Variants in SDK1 observed in about 807,000 individuals in gnomAD.
The protein encoded by SDK1 is protein sidekick-1.
Under a neutral mutation model 245.5 loss-of-function variants are expected in SDK1, and 157 were observed. That is an observed-to-expected ratio of 0.64 (90% CI 0.56 to 0.73). The LOEUF (loss-of-function observed/expected upper bound fraction) is 0.73. Among genes scored for constraint, SDK1 ranks in the 30% least tolerant of loss-of-function variants. The pLI, the probability that SDK1 is intolerant of heterozygous loss-of-function variation, is 0.00. For missense variants in SDK1, 3,583 were observed against 3,002.3 expected (o/e 1.19, Z -4.52); for synonymous variants, 1,647 against 1,278.5 (o/e 1.29, Z -6.15).
chr7:3,936,136 G>A (rs1780150732), intron 5 of SDK1, among the ~76,000 whole-genome samples: 1 of 152,186 alleles, frequency 6.6e-6, no homozygotes, highest in Admixed American at 6.5e-5. Flanking sequence ...AAGGCAGTCA[G>A]CAGAAGACAA....
intron 1 of SDK1, among the ~76,000 whole-genome samples, chr7:3,384,273 G>A (rs1346910349): frequency 6.6e-6 from 1 of 151,938 alleles, no homozygotes; most frequent in Non-Finnish European, 1.5e-5. Context: ...ATAGTTATTA[G>A]CAGGTTCCAC....
chr7:3,682,560 T>C (rs76232199), intron 4 of SDK1, among the ~76,000 whole-genome samples: 1 of 6,588 alleles, frequency 1.5e-4, no homozygotes, highest in Non-Finnish European at 4.9e-4. Context: ...CCCCCATGCA[T>C]GGGGCAGTGA....
intron 21 of SDK1, among the ~76,000 whole-genome samples, chr7:4,078,895 T>A (rs1780874308): frequency 6.6e-6 from 1 of 152,070 alleles, no homozygotes; most frequent in African/African-American, 2.4e-5. Context: ...GCACGAGAAT[T>A]TGTTCGTCTT....
At chr7:3,889,097 C>G (rs142426602) in intron 5 of SDK1, among the ~76,000 whole-genome samples, 298 of 152,284 alleles carry the variant, frequency 2.0e-3, no homozygotes, top group Admixed American at 4.1e-3. Flanking sequence ...CTCAAAAACC[C>G]AGTAGCAGCT....
intron 1 of SDK1, among the ~76,000 whole-genome samples, chr7:3,330,763 A>G (rs1280026765): frequency 6.7e-6 from 1 of 149,056 alleles, no homozygotes; most frequent in East Asian, 2.0e-4. Context: ...GCTTGAGAAC[A>G]GGAATTCGAG....
chr7:3,303,580 G>GGAGA (rs71029663), intron 1 of SDK1, among the ~76,000 whole-genome samples: 1 of 151,666 alleles, frequency 6.6e-6, no homozygotes, highest in Non-Finnish European at 1.5e-5. Flanking sequence ...ACTTTGTTAG[G>GGAGA]AATATTTTAT....
At chr7:4,233,216 C>G (rs776619670) in intron 40 of SDK1, 39 bp from the exon 41 acceptor site, 1 of 1,595,834 alleles carries the variant, frequency 6.3e-7, no homozygotes, top group Admixed American at 1.7e-5. Flanking sequence ...GGACTTCGCA[C>G]TTCTAACCTC....
intron 31 of SDK1, among the ~76,000 whole-genome samples, chr7:4,159,405 C>G (rs1163465030): frequency 2.0e-5 from 3 of 152,224 alleles, no homozygotes; most frequent in Non-Finnish European, 4.4e-5. Context: ...CTCACAGAGG[C>G]TGTTTTGCTG....
intron 5 of SDK1, among the ~76,000 whole-genome samples, chr7:3,845,808 A>C (rs1169601267): frequency 6.6e-6 from 1 of 152,184 alleles, no homozygotes; most frequent in Non-Finnish European, 1.5e-5. Flanking sequence ...ATAAAAGTAA[A>C]ATAAAATTTG....
chr7:3,729,747 C>T (rs1390349025), intron 4 of SDK1, among the ~76,000 whole-genome samples: 1 of 152,090 alleles, frequency 6.6e-6, no homozygotes, highest in Non-Finnish European at 1.5e-5. Context: ...TTCCATTGAG[C>T]CTGTGTGAAC....
At chr7:3,807,329 G>A (rs763775857) in intron 4 of SDK1, among the ~76,000 whole-genome samples, 1 of 152,184 alleles carries the variant, frequency 6.6e-6, no homozygotes, top group Non-Finnish European at 1.5e-5. Context: ...AGTGCTTAAC[G>A]CTGACACACA....
Position 3,962,767 on chromosome 7 carries a change from C to T in SDK1, c.1345C>T (p.Arg449Cys), listed in dbSNP as rs371065564. Reference protein sequence around the residue: ...ASGGLRIQKLRPEDSGIFQCF... With the variant: ...ASGGLRIQKLCPEDSGIFQCF... ...CGGAGGCCTGCGCATCCAGAAGCTG[C>T]GTCCAGAGGACTCCGGAATCTTCCA... The change falls in exon 9 of 45, where the codon CGT (arginine) becomes TGT (cysteine). Residue 449 changes from arginine (R) to cysteine (C), a missense_variant. Transcript: ENST00000404826. 1.8e-5 allele frequency: 29 copies of T among 1,613,584 alleles called. 1 individual carries two copies. Among genetic ancestry groups the T allele is most frequent in the African/African-American group, 1.2e-4 (9 of 74,918 alleles).
chr7:3,353,766 G>A (rs921238688), intron 1 of SDK1, among the ~76,000 whole-genome samples: 2 of 152,002 alleles, frequency 1.3e-5, no homozygotes, highest in African/African-American at 4.8e-5. Context: ...TCCTTTTGCT[G>A]GTGAAGGAAC....
At chr7:4,237,241 G>A (rs1020889801) in intron 41 of SDK1, among the ~76,000 whole-genome samples, 3 of 151,784 alleles carry the variant, frequency 2.0e-5, no homozygotes, top group Non-Finnish European at 2.9e-5. Flanking sequence ...TTTAGAGATG[G>A]GATCTCACTA....
intron 23 of SDK1, among the ~76,000 whole-genome samples, chr7:4,111,313 T>C (rs1420130481): frequency 2.6e-5 from 4 of 152,194 alleles, no homozygotes; most frequent in African/African-American, 9.6e-5. Flanking sequence ...TATGAGCTGT[T>C]AGTACTGTGA....
chr7:3,660,984 C>A (rs994015459), intron 4 of SDK1, among the ~76,000 whole-genome samples: 2 of 152,122 alleles, frequency 1.3e-5, no homozygotes, highest in Non-Finnish European at 2.9e-5. Context: ...TTGAGAATTA[C>A]CTCTGCTGAG....
At chr7:3,611,106 GAT>G (rs1159640185) in intron 1 of SDK1, among the ~76,000 whole-genome samples, 2 of 152,188 alleles carry the variant, frequency 1.3e-5, no homozygotes, top group African/African-American at 4.8e-5. Context: ...AGTAGAGAGA[GAT>G]AAGGTAAAAT....
intron 2 of SDK1, among the ~76,000 whole-genome samples, chr7:3,619,707 C>T (rs1295576975): frequency 6.6e-6 from 1 of 152,154 alleles, no homozygotes; most frequent in East Asian, 1.9e-4. Context: ...GGAGAATGGG[C>T]ATGCATACAG....
intron 4 of SDK1, among the ~76,000 whole-genome samples, chr7:3,720,395 A>C (rs1785333107): frequency 1.3e-5 from 2 of 152,206 alleles, no homozygotes; most frequent in South Asian, 2.1e-4. Flanking sequence ...CAACATTAAA[A>C]ACCTATCAGA....
Sources: allele counts gnomAD v4.1 joint callset (sites outside exome capture counted in the v4.1 genomes callset), GRCh38; gene constraint gnomAD v4.1.1; transcripts MANE v1.5; gene names NCBI Gene and HGNC (gene_info 2026-07-23, HGNC 2026-07-21).